The following WDR27 variants were observed in gnomAD, a reference collection of about 807,000 sequenced individuals.
WDR27 encodes WD repeat domain 27.
In WDR27, 100 loss-of-function variants were observed where a neutral mutation model predicts 114.4. The observed-to-expected ratio is 0.87, with a 90% CI of 0.74 to 1.03. WDR27 has a LOEUF of 1.03. Ranked by LOEUF, WDR27 falls within the 50% of genes least tolerant of loss-of-function variation. WDR27 has a pLI of 0.00. For missense variants in WDR27, 1,129 were observed against 1,092.9 expected, an observed-to-expected ratio of 1.03 and a Z score of -0.47; for synonymous variants, 449 against 423.1, an observed-to-expected ratio of 1.06 and a Z score of -0.75.
chr6:169,613,916 CA>C (rs1206358483), intron 21 of WDR27, among the ~76,000 whole-genome samples: 1 of 151,878 alleles, frequency 6.6e-6, no homozygotes, highest in Non-Finnish European at 1.5e-5. Flanking sequence ...ACAAAATGGT[CA>C]AAAAAGACCA....
intron 25 of WDR27, among the ~76,000 whole-genome samples, chr6:169,480,787 T>C (rs1361905563): frequency 3.3e-5 from 5 of 152,052 alleles, no homozygotes; most frequent in Admixed American, 3.3e-4. Flanking sequence ...AGCTAAAGGA[T>C]TGTAAATGCA....
At chr6:169,654,311 T>C (rs1562827034) in intron 13 of WDR27, among the ~76,000 whole-genome samples, 2 of 152,230 alleles carry the variant, frequency 1.3e-5, no homozygotes, top group Non-Finnish European at 2.9e-5. Flanking sequence ...CCCTAGCTCA[T>C]TCTGTGGAGC....
intron 16 of WDR27, among the ~76,000 whole-genome samples, chr6:169,644,829 G>A (rs1382519154): frequency 9.1e-6 from 1 of 109,566 alleles, no homozygotes; most frequent in Non-Finnish European, 1.7e-5. Flanking sequence ...CTAAAACGGT[G>A]AAACCCCGTC....
In WDR27 at chr6:169,660,672, A is replaced by G. The variant is rs779514185; in HGVS notation, c.1120T>C (p.Tyr374His). 1 of 1,613,614 alleles carries G rather than the reference A, an allele frequency of 6.2e-7. No homozygotes were observed. Among genetic ancestry groups the G allele is most frequent in the East Asian group, 2.2e-5 (1 of 44,890 alleles). The change falls in exon 10 of 26, where the codon TAT (tyrosine) becomes CAT (histidine). Residue 374 changes from tyrosine to histidine, a missense_variant. Coordinates refer to ENST00000448612, the MANE Select transcript of WDR27 (RefSeq NM_182552.5). The stretch of plus-strand genomic sequence containing the variant: ...AAATCAAAGATCTTACCCTTGTAAT[A>G]CAAAGCAGCTTCCACTTCCAGGTTT... ...LANLEVEAAL[Y>H]YKDFQSLSIL...
chr6:169,506,666 T>C (rs1463891131), intron 25 of WDR27, among the ~76,000 whole-genome samples: 1 of 152,226 alleles, frequency 6.6e-6, no homozygotes, highest in Non-Finnish European at 1.5e-5. Flanking sequence ...TACATTTATA[T>C]CCTCAAAAAC....
chr6:169,664,395 C>G, intron 7 of WDR27, 109 bp from the exon 8 acceptor site: 1 of 1,578,516 alleles, frequency 6.3e-7, no homozygotes, highest in Non-Finnish European at 8.6e-7. Flanking sequence ...AGGACGGGCC[C>G]TCCACGGCCT....
rs757374325 is a variant in WDR27 at position 169,668,039 on chromosome 6, C to T, written c.603G>A (p.Glu201=). ...GGGTGCCTGCTCGCCAGGGACAGAA[C>T]TCCACCGCAGTCACCGGGCCCAGGT... ...QGHLGPVTAV[E]FCPWRAGTLI... The change falls in exon 5 of 26, where the codon GAG becomes GAA. Residue 201 remains glutamate (E), a synonymous_variant. Transcript: ENST00000448612. The T allele has an allele frequency of 7.4e-6, 12 of 1,613,914 alleles. No individual in the cohort carries two copies. The Admixed American group carries it at 2.0e-4, about 27-fold the overall frequency.
intron 14 of WDR27, among the ~76,000 whole-genome samples, chr6:169,650,983 A>C (rs1192678933): frequency 6.6e-6 from 1 of 152,086 alleles, no homozygotes; most frequent in Non-Finnish European, 1.5e-5. Flanking sequence ...GCCAGAGAAC[A>C]AGCAGAGCAG....
In WDR27 at chr6:169,659,225, C is replaced by T; in HGVS notation, c.1198-18G>A. ...CACAGCACCTGCAGGGACGCGGTTT[C>T]AACATCGTTAGCGACACCACCCAGT... On this transcript the variant is annotated intron_variant, in intron 11 of 25. Coordinates refer to ENST00000448612, the MANE Select transcript of WDR27 (RefSeq NM_182552.5). This position sits in a 1 kb window ranked among gnomAD's most constrained non-coding sequence, Gnocchi z 4.3. 6.3e-7 allele frequency: 1 copy of T among 1,579,314 alleles called. No individual in the cohort carries two copies. The highest frequency in any genetic ancestry group is 8.6e-7 in the Non-Finnish European group (1 of 1,164,042).
chr6:169,561,744 T>C (rs1799701536), intron 25 of WDR27, among the ~76,000 whole-genome samples: 1 of 152,130 alleles, frequency 6.6e-6, no homozygotes, highest in Non-Finnish European at 1.5e-5. Flanking sequence ...ATGAATGGTC[T>C]AAACCCACAC....
At chr6:169,549,002 A>C (rs11968920) in intron 25 of WDR27, among the ~76,000 whole-genome samples, 8,854 of 152,190 alleles carry the variant, frequency 0.058, 728 homozygotes, top group African/African-American at 0.19. Flanking sequence ...ATGGCAATGA[A>C]TTTTTAGATA....
At chr6:169,573,678 A>G (rs1801807661) in intron 24 of WDR27, among the ~76,000 whole-genome samples, 1 of 152,226 alleles carries the variant, frequency 6.6e-6, no homozygotes, top group South Asian at 2.1e-4. Context: ...AGGTAATGTG[A>G]TATTTGTGAC....
intron 25 of WDR27, among the ~76,000 whole-genome samples, chr6:169,476,154 C>T (rs1787124615): frequency 6.6e-6 from 1 of 152,110 alleles, no homozygotes; most frequent in South Asian, 2.1e-4. Context: ...GTCTCAAACC[C>T]CTTGTGGCCT....
chr6:169,540,144 G>C (rs1437042948), intron 25 of WDR27, among the ~76,000 whole-genome samples: 1 of 152,106 alleles, frequency 6.6e-6, no homozygotes, highest in Non-Finnish European at 1.5e-5. Context: ...TCATCATGCA[G>C]TCAAGAACAT....
rs141926341 is a variant in WDR27 at position 169,600,545 on chromosome 6, C to T, written c.2424+1674G>A. Among the ~76,000 whole-genome samples, 722 of 152,122 alleles carry T rather than the reference C, an allele frequency of 4.7e-3. 8 individuals are homozygous for T. The highest frequency in any genetic ancestry group is 0.017 in the African/African-American group (695 of 41,474). On this transcript the variant is annotated intron_variant, in intron 23 of 25. Transcript: ENST00000448612. ...TAAAGGAGGAAGTTCGAACCCATGG[C>T]AAAGAAGTTAAAAACCTTGAAAAAA...
intron 25 of WDR27, among the ~76,000 whole-genome samples, chr6:169,553,791 C>T (rs1798513345): frequency 1.3e-5 from 2 of 152,280 alleles, no homozygotes; most frequent in South Asian, 4.1e-4. Flanking sequence ...GGGGACGTTA[C>T]CGTTCACATG....
Position 169,659,093 on chromosome 6 carries a change from G to T in WDR27, c.1312C>A (p.Pro438Thr). 6.4e-7 allele frequency: 1 copy of T among 1,554,858 alleles called. No individual in the cohort carries two copies. Among genetic ancestry groups the T allele is most frequent in the Non-Finnish European group, 8.7e-7 (1 of 1,153,260 alleles). The change falls in exon 12 of 26, where the codon CCA becomes ACA. Residue 438 changes from proline to threonine, a missense_variant. By Grantham distance (38) the Pro-to-Thr change is conservative. Transcript: ENST00000448612. This position sits in a 1 kb window ranked among gnomAD's most constrained non-coding sequence, Gnocchi z 4.3. ...CPSMGQSLSV[P>T]ASSCVLPTSP... ...CACTTGAAGACACTCTACCTGGCTG[G>T]CACCGAGAGGCTCTGCCCCATGCTG...
rs1828390044 is a variant in WDR27 at position 169,668,090 on chromosome 6, C to T, written c.552G>A (p.Gln184=). ...GGCCCTGCAGCTCGGCCCGAACAGC[C>T]TGAGTCTGAGAGAATGTGTGCAGGA... ...PTFLHTFSQT[Q]AVRAELQGHL... Residue 184 remains glutamine, a synonymous_variant, in exon 5 of 26, where the codon CAG becomes CAA. Coordinates refer to ENST00000448612, the MANE Select transcript of WDR27 (RefSeq NM_182552.5). 14 of 1,614,018 alleles carry T rather than the reference C, an allele frequency of 8.7e-6. No individual in the cohort carries two copies. Among genetic ancestry groups the T allele is most frequent in the East Asian group, 2.2e-5 (1 of 44,874 alleles).
downstream of WDR27, among the ~76,000 whole-genome samples, chr6:169,452,658 G>A (rs754696179): frequency 1.3e-5 from 2 of 152,180 alleles, no homozygotes; most frequent in Non-Finnish European, 2.9e-5. Flanking sequence ...AGCCCAGGAG[G>A]GGCAAAGTGG....
Sources: gnomAD v4.1 joint callset for allele counts (sites outside exome capture counted in the v4.1 genomes callset) on GRCh38, gnomAD v4.1.1 for gene constraint, Gnocchi (gnomAD v3.1) non-coding constraint, MANE v1.5 for transcripts, NCBI Gene and HGNC (gene_info 2026-07-23, HGNC 2026-07-21) for gene names.